MYCT1: variants seen among roughly 807,000 people sequenced by gnomAD.
The protein encoded by MYCT1 is myc target protein 1.
Under a neutral mutation model 15.0 loss-of-function variants are expected in MYCT1, and 12 were observed. That is an observed-to-expected ratio of 0.80 (90% CI 0.51 to 1.29). The LOEUF is 1.29. Ranked by LOEUF, MYCT1 falls within the 50% of genes most tolerant of loss-of-function variation. The pLI is 0.00. For synonymous variants in MYCT1, 104 were observed against 102.7 expected (o/e 1.01, Z -0.07); for missense variants, 287 against 279.1 (o/e 1.03, Z -0.20).
the MYCT1 span, among the ~76,000 whole-genome samples, chr6:152,731,213 C>A: frequency 2.1e-4 from 23 of 108,324 alleles, no homozygotes; most frequent in Middle Eastern, 0.015. Flanking sequence ...TTAGTGTGTA[C>A]CTAGCGTGAA....
chr6:152,743,169 A>G, the MYCT1 span, among the ~76,000 whole-genome samples: 1 of 152,068 alleles, frequency 6.6e-6, no homozygotes, highest in African/African-American at 2.4e-5. Context: ...AATTCTGCTT[A>G]ATTCTCCTGC....
intron 1 of MYCT1, among the ~76,000 whole-genome samples, chr6:152,700,819 C>T (rs1037036019): frequency 3.3e-5 from 5 of 152,130 alleles, no homozygotes; most frequent in African/African-American, 1.2e-4. Flanking sequence ...TCTTGCTTTG[C>T]ATTTTTTTCC....
chr6:152,737,613 G>A, the MYCT1 span, among the ~76,000 whole-genome samples: 3 of 152,198 alleles, frequency 2.0e-5, no homozygotes, highest in African/African-American at 7.2e-5. Context: ...GTCTGTGAAA[G>A]GGATCTAGGT....
the MYCT1 span, among the ~76,000 whole-genome samples, chr6:152,734,678 A>T: frequency 6.6e-6 from 1 of 151,250 alleles, no homozygotes; most frequent in Non-Finnish European, 1.5e-5. Context: ...TTTTTTTTTT[A>T]GGAAAATGTT....
chr6:152,743,630 C>G, the MYCT1 span, among the ~76,000 whole-genome samples: 1 of 152,320 alleles, frequency 6.6e-6, no homozygotes, highest in East Asian at 1.9e-4. Flanking sequence ...TCTCCATGCT[C>G]TATTCTGTGG....
the MYCT1 span, among the ~76,000 whole-genome samples, chr6:152,740,561 C>T: frequency 6.6e-6 from 1 of 151,988 alleles, no homozygotes; most frequent in Non-Finnish European, 1.5e-5. Flanking sequence ...ATAGTTCTAA[C>T]TTTTATGAAG....
the MYCT1 span, among the ~76,000 whole-genome samples, chr6:152,732,725 A>C: frequency 1.3e-5 from 2 of 152,236 alleles, no homozygotes; most frequent in Non-Finnish European, 2.9e-5. Context: ...AGAAAGGCAG[A>C]GGAAGATTTG....
At chr6:152,717,270 A>C (rs1216485932) in intron 1 of MYCT1, among the ~76,000 whole-genome samples, 1 of 152,152 alleles carries the variant, frequency 6.6e-6, no homozygotes, top group Non-Finnish European at 1.5e-5. Flanking sequence ...TGCTGTTTGG[A>C]CTTAAGGGAG....
chr6:152,723,935 G>A lies in MYCT1; in HGVS notation c.*1682G>A, dbSNP rs532631363. 2 of 152,252 alleles carry A rather than the reference G, an allele frequency of 1.3e-5. No individual in the cohort carries two copies. The highest frequency in any genetic ancestry group is 2.4e-5 in the African/African-American group (1 of 41,546). The allele number at this position is 152,252 out of a possible 1,614,324, so 9.4% of individuals were successfully genotyped here. On this transcript the variant is annotated 3_prime_UTR_variant, in exon 2 of 2. Coordinates refer to ENST00000367245, the MANE Select transcript of MYCT1 (RefSeq NM_025107.3). Reference sequence around the variant, plus strand: ...CCTATTGCAGTGGTCACAGCTAATAGTGTCTGAACATGGTTCAAGAATAAG... The same window carrying A: ...CCTATTGCAGTGGTCACAGCTAATAATGTCTGAACATGGTTCAAGAATAAG...
Position 152,706,058 on chromosome 6 carries a change from A to G in MYCT1, c.196+7960A>G, listed in dbSNP as rs908069322. ...AAATTGTAGTCACAAAAATTCCTAAAAAAAGAGAAGGACCCTGGAATGGGT... is the reference window on the plus strand; with the variant it reads ...AAATTGTAGTCACAAAAATTCCTAAGAAAAGAGAAGGACCCTGGAATGGGT... On this transcript the variant is annotated intron_variant, in intron 1 of 1. Coordinates refer to ENST00000367245, the MANE Select transcript of MYCT1 (RefSeq NM_025107.3). The G allele has an allele frequency of 9.0e-6, 13 of 1,451,854 alleles. No individual in the cohort carries two copies. The African/African-American group carries it at 1.8e-4, about 20-fold the overall frequency. 89.9% of individuals were successfully genotyped at this position (1,451,854 alleles called of 1,614,324 possible).
chr6:152,722,395 A>G lies in MYCT1; in HGVS notation c.*142A>G. 5 of 777,724 alleles carry G rather than the reference A, an allele frequency of 6.4e-6. No homozygotes were observed. Among genetic ancestry groups the G allele is most frequent in the Non-Finnish European group, 9.9e-6 (5 of 507,176 alleles). 48.2% of individuals were successfully genotyped at this position (777,724 alleles called of 1,614,324 possible). A position where few individuals can be genotyped will look rare whatever the true frequency, so the allele number is the denominator to read the frequency against. On this transcript the variant is annotated 3_prime_UTR_variant, in exon 2 of 2. Coordinates refer to ENST00000367245, the MANE Select transcript of MYCT1 (RefSeq NM_025107.3). ...TGAAACATGGTTGTGCAAGTTGGAC[A>G]TTACAATGTAAAACACATTTTCTTC...
chr6:152,705,901 C>G (rs1266664888), intron 1 of MYCT1: 1 of 755,700 alleles, frequency 1.3e-6, no homozygotes, highest in Non-Finnish European at 2.5e-6. Flanking sequence ...CAAAGTTCCT[C>G]AGAAGTTGGT....
intron 1 of MYCT1, among the ~76,000 whole-genome samples, chr6:152,701,687 T>A (rs779464388): frequency 6.6e-6 from 1 of 152,172 alleles, no homozygotes; most frequent in Non-Finnish European, 1.5e-5. Context: ...TCTCATCAGC[T>A]TTTGAGACAT....
At chr6:152,699,974 AGAAAGG>A (rs550598826) in intron 1 of MYCT1, among the ~76,000 whole-genome samples, 144 of 152,266 alleles carry the variant, frequency 9.5e-4, no homozygotes, top group South Asian at 2.5e-3. Context: ...AATGAAAACC[AGAAAGG>A]GGAGTGTTAC....
chr6:152,741,785 TTA>T, the MYCT1 span, among the ~76,000 whole-genome samples: 1 of 152,158 alleles, frequency 6.6e-6, no homozygotes, highest in Non-Finnish European at 1.5e-5. Flanking sequence ...TTCAGATGAC[TTA>T]AAGGACTAAG....
At chr6:152,731,734 C>T in the MYCT1 span, among the ~76,000 whole-genome samples, 904 of 145,448 alleles carry the variant, frequency 6.2e-3, 7 homozygotes, top group African/African-American at 0.022. Context: ...CACGAGTAAG[C>T]ATCAGAGAAC....
downstream of MYCT1, among the ~76,000 whole-genome samples, chr6:152,726,755 C>T (rs769101025): frequency 5.1e-4 from 78 of 152,080 alleles, no homozygotes; most frequent in Non-Finnish European, 9.1e-4. Context: ...GTGATTGAAC[C>T]CCAGTTTCAG....
At chr6:152,730,191 T>C in the MYCT1 span, among the ~76,000 whole-genome samples, 2 of 152,216 alleles carry the variant, frequency 1.3e-5, no homozygotes, top group African/African-American at 4.8e-5. Flanking sequence ...TTTCTCACCA[T>C]ATATACTCCC....
chr6:152,708,036 T>A (rs1387487663), intron 1 of MYCT1, among the ~76,000 whole-genome samples: 1 of 151,860 alleles, frequency 6.6e-6, no homozygotes, highest in Non-Finnish European at 1.5e-5. Flanking sequence ...GACTTTTAGT[T>A]GATTTAGTTA....
Sources: gnomAD v4.1 joint callset for allele counts (sites outside exome capture counted in the v4.1 genomes callset) on GRCh38, gnomAD v4.1.1 for gene constraint, MANE v1.5 for transcripts, NCBI Gene and HGNC (gene_info 2026-07-23, HGNC 2026-07-21) for gene names.